The following HEPHL1 variants were observed in gnomAD, a reference collection of about 807,000 sequenced individuals.
The protein encoded by HEPHL1 is hephaestin like 1, also known as ferroxidase HEPHL1.
In HEPHL1, 123 loss-of-function variants were observed where a neutral mutation model predicts 122.0. The observed-to-expected ratio is 1.01, with a 90% CI of 0.87 to 1.17. The LOEUF (loss-of-function observed/expected upper bound fraction) is 1.17. HEPHL1 is among the 50% of genes most tolerant of loss of function. The probability of loss-of-function intolerance (pLI) is 0.00; values close to 1 mark genes in which losing one functional copy is unlikely to be tolerated. For missense variants in HEPHL1, 1,452 were observed against 1,430.5 expected, an observed-to-expected ratio of 1.01 and a Z score of -0.24; for synonymous variants, 527 against 508.9, an observed-to-expected ratio of 1.04 and a Z score of -0.48.
At chr11:94,032,857 G>A (rs1425531785) in intron 1 of HEPHL1, among the ~76,000 whole-genome samples, 3 of 152,102 alleles carry the variant, frequency 2.0e-5, no homozygotes, top group African/African-American at 7.2e-5. Flanking sequence ...GGGGCAAAAC[G>A]GCGGAGTTTA....
intron 9 of HEPHL1, among the ~76,000 whole-genome samples, chr11:94,075,622 T>A (rs1387704641): frequency 6.6e-6 from 1 of 152,152 alleles, no homozygotes; most frequent in African/African-American, 2.4e-5. Context: ...TGGTTAGGAT[T>A]TGGCAGGCCT....
At chr11:94,095,817 GT>G (rs1242682281) in intron 13 of HEPHL1, among the ~76,000 whole-genome samples, 1 of 144,862 alleles carries the variant, frequency 6.9e-6, no homozygotes, top group African/African-American at 2.9e-5. Context: ...TTAGCTCTCT[GT>G]TTGTCTGTTA....
At chr11:94,069,186 A>G (rs900449918) in intron 5 of HEPHL1, among the ~76,000 whole-genome samples, 2 of 152,222 alleles carry the variant, frequency 1.3e-5, no homozygotes, top group Non-Finnish European at 2.9e-5. Flanking sequence ...AGTTGTGGAC[A>G]TAAGCTAGTA....
chr11:94,052,614 G>T (rs1432389197), intron 2 of HEPHL1, among the ~76,000 whole-genome samples: 1 of 151,856 alleles, frequency 6.6e-6, no homozygotes, highest in Non-Finnish European at 1.5e-5. Context: ...TCTTCCTCTT[G>T]TCTGATTGTT....
intron 12 of HEPHL1, among the ~76,000 whole-genome samples, 176 bp downstream of exon 12, chr11:94,089,144 G>A (rs1946244109): frequency 6.6e-6 from 1 of 152,230 alleles, no homozygotes; most frequent in Admixed American, 6.5e-5. Context: ...CCGGAAGGCA[G>A]CGTGCGGTGT....
chr11:94,079,820 G>A (rs974887907), intron 9 of HEPHL1, among the ~76,000 whole-genome samples: 14 of 152,160 alleles, frequency 9.2e-5, no homozygotes, highest in Non-Finnish European at 1.5e-4. Flanking sequence ...TGACATTGCT[G>A]AGGGTCCCTC....
At chr11:94,068,239 G>GT (rs1249848609) in intron 5 of HEPHL1, among the ~76,000 whole-genome samples, 1 of 152,196 alleles carries the variant, frequency 6.6e-6, no homozygotes, top group East Asian at 1.9e-4. Flanking sequence ...TTGAGCAACT[G>GT]TAAGTAGAGT....
rs545069601 is a variant in HEPHL1 at position 94,095,791 on chromosome 11, A to C, written c.2434+2151A>C. Among the ~76,000 whole-genome samples the C allele has an allele frequency of 1.8e-4, 28 of 152,144 alleles. No homozygotes were observed. In the South Asian group the frequency reaches 5.8e-3, roughly 32 times the overall value. On this transcript the variant is annotated intron_variant, in intron 13 of 19. Coordinates refer to ENST00000315765, the MANE Select transcript of HEPHL1 (RefSeq NM_001098672.2). ...TTTTATTGTCTTTGAAGCAATTGTGAATGGGAGTTCATGATTTAGCTCTCT... is the reference window on the plus strand; with the variant it reads ...TTTTATTGTCTTTGAAGCAATTGTGCATGGGAGTTCATGATTTAGCTCTCT...
intron 13 of HEPHL1, among the ~76,000 whole-genome samples, chr11:94,098,229 A>G (rs921608525): frequency 6.6e-6 from 1 of 152,166 alleles, no homozygotes; most frequent in African/African-American, 2.4e-5. Context: ...AAAATCTCTC[A>G]GCATTTGCTT....
chr11:94,093,971 G>GATAGATAGATAGATAGATAGATATAT (rs71036310), intron 13 of HEPHL1, among the ~76,000 whole-genome samples: 1 of 72,746 alleles, frequency 1.4e-5, no homozygotes, highest in African/African-American at 4.9e-5. Flanking sequence ...TCCTCCAGCA[G>GATAGATAGATAGATAGATAGATATAT]ATATATATAT....
intron 5 of HEPHL1, 109 bp from the exon 6 acceptor site, chr11:94,070,262 ATTT>A: frequency 9.4e-7 from 1 of 1,062,864 alleles, no homozygotes; most frequent in Admixed American, 3.5e-5. Context: ...TTATGGTCCA[ATTT>A]TCTGTACAGA....
At chr11:94,105,810 G>A (rs924144888) in intron 16 of HEPHL1, among the ~76,000 whole-genome samples, 181 bp from the exon 17 acceptor site, 1 of 152,072 alleles carries the variant, frequency 6.6e-6, no homozygotes, top group Non-Finnish European at 1.5e-5. Flanking sequence ...TTTGTAGAAG[G>A]ATTTCTCAGT....
intron 4 of HEPHL1, 89 bp from the exon 5 acceptor site, chr11:94,067,407 C>G: frequency 1.5e-6 from 2 of 1,325,686 alleles, no homozygotes; most frequent in Non-Finnish European, 2.1e-6. Flanking sequence ...ACTGGTTTTC[C>G]AGCCATGCTT....
intron 10 of HEPHL1, among the ~76,000 whole-genome samples, chr11:94,084,283 T>C (rs1946197910): frequency 6.6e-6 from 1 of 151,352 alleles, no homozygotes; most frequent in South Asian, 2.1e-4. Context: ...GAAGTAAGCA[T>C]AATGGCTCCA....
At chr11:94,076,234 T>C (rs1168209011) in intron 9 of HEPHL1, among the ~76,000 whole-genome samples, 4 of 152,192 alleles carry the variant, frequency 2.6e-5, no homozygotes, top group African/African-American at 9.7e-5. Context: ...TGAATGTTTA[T>C]GCTGTGCCTC....
intron 1 of HEPHL1, among the ~76,000 whole-genome samples, chr11:94,021,904 A>G (rs1424593807): frequency 2.0e-5 from 3 of 152,164 alleles, no homozygotes; most frequent in African/African-American, 7.2e-5. Context: ...AGAATTCCTT[A>G]TGGTTAAAAC....
intron 2 of HEPHL1, chr11:94,055,232 C>T (rs1013380570): frequency 6.4e-5 from 17 of 267,042 alleles, no homozygotes; most frequent in Non-Finnish European, 1.1e-4. Context: ...TTCTGCTGCT[C>T]AGATTTTCCA....
intron 18 of HEPHL1, among the ~76,000 whole-genome samples, 175 bp from the exon 19 acceptor site, chr11:94,111,362 A>G (rs570680939): frequency 1.1e-4 from 17 of 152,314 alleles, no homozygotes; most frequent in African/African-American, 3.4e-4. Context: ...GAAGTGGGAA[A>G]GACAGCTGGG....
chr11:94,096,943 A>G (rs190765875), intron 13 of HEPHL1, among the ~76,000 whole-genome samples: 1 of 152,052 alleles, frequency 6.6e-6, no homozygotes, highest in Non-Finnish European at 1.5e-5. Flanking sequence ...CAGTCTGTCA[A>G]TTTTGTTGAT....
Sources: gnomAD v4.1 joint callset for allele counts (sites outside exome capture counted in the v4.1 genomes callset) on GRCh38, gnomAD v4.1.1 for gene constraint, MANE v1.5 for transcripts, NCBI Gene and HGNC (gene_info 2026-07-23, HGNC 2026-07-21) for gene names.